MYO9A: variants seen among roughly 807,000 people sequenced by gnomAD.
MYO9A encodes the protein unconventional myosin-IXa.
Under a neutral mutation model 293.3 loss-of-function variants are expected in MYO9A, and 103 were observed. The ratio of observed to expected loss-of-function variants is 0.35; its 90% CI spans 0.30 to 0.41. The LOEUF (loss-of-function observed/expected upper bound fraction) is 0.41. MYO9A is among the 10% of genes least tolerant of loss of function. The pLI, the probability that MYO9A is intolerant of heterozygous loss-of-function variation, is 1.00. For missense variants in MYO9A, 2,685 were observed against 3,033.0 expected (o/e 0.89, Z 2.69); for synonymous variants, 1,001 against 1,035.7 (o/e 0.97, Z 0.64).
chr15:72,014,683 GAAAGAAAGA>G (rs899589448), intron 6 of MYO9A, among the ~76,000 whole-genome samples: 15 of 142,344 alleles, frequency 1.1e-4, no homozygotes, highest in Middle Eastern at 3.6e-3. Context: ...GAGATACCAT[GAAAGAAAGA>G]AAAGAAAGAA....
At chr15:72,103,450 C>CAGA (rs2080452768) in intron 1 of MYO9A, among the ~76,000 whole-genome samples, 1 of 148,066 alleles carries the variant, frequency 6.8e-6, no homozygotes, top group Admixed American at 6.7e-5. Context: ...GCAGAAGCAG[C>CAGA]AGCAGAAGAA....
At chr15:72,056,849 C>T (rs182310289) in intron 1 of MYO9A, among the ~76,000 whole-genome samples, 219 of 152,278 alleles carry the variant, frequency 1.4e-3, no homozygotes, top group African/African-American at 4.6e-3. Flanking sequence ...GTGGCTCACA[C>T]CTGTAATCCC....
intron 35 of MYO9A, among the ~76,000 whole-genome samples, chr15:71,853,273 T>G (rs1399132167): frequency 6.6e-6 from 1 of 152,230 alleles, no homozygotes; most frequent in Non-Finnish European, 1.5e-5. Context: ...CAGGACACTT[T>G]CTGAAAGTAA....
chr15:72,026,842 T>C (rs981587763), intron 4 of MYO9A, among the ~76,000 whole-genome samples: 2 of 152,132 alleles, frequency 1.3e-5, no homozygotes, highest in African/African-American at 4.8e-5. Flanking sequence ...TTAGATAACC[T>C]AGATGAAATG....
intron 9 of MYO9A, 46 bp from the exon 10 acceptor site, chr15:71,994,631 T>A: frequency 8.8e-7 from 1 of 1,141,208 alleles, no homozygotes; most frequent in Non-Finnish European, 1.3e-6. Flanking sequence ...TGACAATGAT[T>A]AAGATACTAT....
chr15:72,101,027 AG>A (rs1471602981), intron 1 of MYO9A, among the ~76,000 whole-genome samples: 4 of 127,284 alleles, frequency 3.1e-5, no homozygotes, highest in Non-Finnish European at 6.8e-5. Context: ...TAGGCGGGTC[AG>A]CCCCCCGCCC....
chr15:71,878,633 T>C (rs1372278039), intron 30 of MYO9A, among the ~76,000 whole-genome samples: 2 of 152,032 alleles, frequency 1.3e-5, no homozygotes, highest in Non-Finnish European at 2.9e-5. Flanking sequence ...TAAGCATATA[T>C]TAAGTAACCA....
At chr15:72,045,661 C>T (rs971149668) in intron 2 of MYO9A, 63 bp downstream of exon 2, 15 of 1,465,034 alleles carry the variant, frequency 1.0e-5, no homozygotes, top group African/African-American at 1.4e-5. Flanking sequence ...GAATGGTACA[C>T]CCCCCCACCT....
chr15:72,012,153 G>A (rs1167064322), intron 6 of MYO9A, among the ~76,000 whole-genome samples: 1 of 152,080 alleles, frequency 6.6e-6, no homozygotes, highest in Non-Finnish European at 1.5e-5. Context: ...TACATGGAAA[G>A]CTACACATGC....
intron 7 of MYO9A, among the ~76,000 whole-genome samples, chr15:72,009,929 C>T (rs1273918472): frequency 6.6e-6 from 1 of 151,618 alleles, no homozygotes; most frequent in Non-Finnish European, 1.5e-5. Flanking sequence ...TAGTATAGTA[C>T]AGATATAAAC....
Position 71,897,475 on chromosome 15 carries a change from A to G in MYO9A, c.5028T>C (p.Asn1676=). ...ARPIFFTPKD[N]MSIPLVSKEA... ...ATTTCACTTACAGGGGAATACTCATATTGTCCTTTGGAGTGAAGAAAATGG... is the reference window on the plus strand; with the variant it reads ...ATTTCACTTACAGGGGAATACTCATGTTGTCCTTTGGAGTGAAGAAAATGG... Residue 1676 remains asparagine (N), a synonymous_variant, in exon 25 of 42, where the codon AAT becomes AAC. Transcript: ENST00000356056. 1.2e-6 allele frequency: 2 copies of G among 1,610,204 alleles called. No homozygotes were observed. Among genetic ancestry groups the G allele is most frequent in the Non-Finnish European group, 1.7e-6 (2 of 1,177,806 alleles).
chr15:72,046,992 C>T (rs1304303057), intron 1 of MYO9A, among the ~76,000 whole-genome samples: 1 of 152,152 alleles, frequency 6.6e-6, no homozygotes, highest in Admixed American at 6.5e-5. Context: ...TGGATTAAGA[C>T]AGAATAACCA....
intron 39 of MYO9A, among the ~76,000 whole-genome samples, chr15:71,846,128 AT>A (rs1353715484): frequency 2.0e-5 from 3 of 152,208 alleles, no homozygotes; most frequent in Non-Finnish European, 4.4e-5. Flanking sequence ...TAGCCAGAAG[AT>A]GTAACCATAT....
At chr15:72,066,290 C>T (rs1393417871) in intron 1 of MYO9A, among the ~76,000 whole-genome samples, 1 of 151,982 alleles carries the variant, frequency 6.6e-6, no homozygotes, top group East Asian at 1.9e-4. Context: ...AGATCAAGAC[C>T]ATCCTAGCCA....
rs2057403259 is a variant in MYO9A at position 71,898,760 on chromosome 15, T to G, written c.3743A>C (p.Glu1248Ala). ...AQSQSGVDLQ[E>A]DVLVRERPRS... ...GGGTCTCTCTCTTACAAGCACATCT[T>G]CCTGCAAGTCCACACCACTCTGGCT... is the stretch of plus-strand genomic sequence containing the variant. Residue 1248 changes from glutamate to alanine, a missense_variant, in exon 25 of 42, where the codon GAA (glutamate) becomes GCA (alanine). Coordinates refer to ENST00000356056, the MANE Select transcript of MYO9A (RefSeq NM_006901.4). 1 of 1,614,122 alleles carries G rather than the reference T, an allele frequency of 6.2e-7. No homozygotes were observed. The highest frequency in any genetic ancestry group is 8.5e-7 in the Non-Finnish European group (1 of 1,179,982).
chr15:72,081,668 A>T (rs1193171138), intron 1 of MYO9A, among the ~76,000 whole-genome samples: 1 of 151,764 alleles, frequency 6.6e-6, no homozygotes, highest in Admixed American at 6.6e-5. Context: ...TGGTTTTTAC[A>T]GTTTTAGGTT....
chr15:71,956,930 T>TTCA (rs2059216593), intron 14 of MYO9A, among the ~76,000 whole-genome samples: 1 of 151,490 alleles, frequency 6.6e-6, no homozygotes, highest in South Asian at 2.1e-4. Flanking sequence ...GTACCAGTAT[T>TTCA]TCATTTCTTT....
chr15:72,037,100 A>G (rs189361316), intron 2 of MYO9A, among the ~76,000 whole-genome samples: 3 of 151,900 alleles, frequency 2.0e-5, no homozygotes, highest in African/African-American at 7.2e-5. Context: ...CAGTGGTGTC[A>G]TAAGGACTTT....
intron 4 of MYO9A, among the ~76,000 whole-genome samples, chr15:72,022,025 TA>T (rs2077515295): frequency 6.6e-6 from 1 of 152,190 alleles, no homozygotes; most frequent in South Asian, 2.1e-4. Flanking sequence ...AGCATTTAAA[TA>T]AATATCTGTC....
Sources: gnomAD v4.1 joint callset for allele counts (sites outside exome capture counted in the v4.1 genomes callset) on GRCh38, gnomAD v4.1.1 for gene constraint, MANE v1.5 for transcripts, NCBI Gene and HGNC (gene_info 2026-07-23, HGNC 2026-07-21) for gene names.